The following PNISR variants were observed in gnomAD, a reference collection of about 807,000 sequenced individuals.
PNISR encodes PNN interacting serine and arginine rich protein.
In PNISR, 20 loss-of-function variants were observed where a neutral mutation model predicts 93.4. The observed-to-expected ratio is 0.21, with a 90% CI of 0.15 to 0.31. PNISR has a LOEUF of 0.31. PNISR is among the 10% of genes least tolerant of loss of function. PNISR has a pLI of 1.00. For missense variants in PNISR, 893 were observed against 985.4 expected (o/e 0.91, Z 1.25); for synonymous variants, 305 against 306.5 (o/e 0.99, Z 0.05).
chr6:99,401,021 C>T lies in PNISR; in HGVS notation c.1937G>A (p.Arg646His), dbSNP rs368574013. 32 of 1,613,680 alleles carry T rather than the reference C, an allele frequency of 2.0e-5. No individual in the cohort carries two copies. Among genetic ancestry groups the T allele is most frequent in the Middle Eastern group, 3.3e-4 (2 of 6,084 alleles). Residue 646 changes from arginine (R) to histidine (H), a missense_variant, in exon 12 of 12, where the codon CGT becomes CAT. Physicochemically the swap from Arg to His is conservative, Grantham distance 29. Coordinates refer to ENST00000369239, the MANE Select transcript of PNISR (RefSeq NM_032870.4). ...SRDRRKIDDQRGNLSGNSHKH... is the reference protein window; with the variant it reads ...SRDRRKIDDQHGNLSGNSHKH... The stretch of plus-strand genomic sequence containing the variant: ...ATGACTGTTCCCACTAAGATTTCCA[C>T]GTTGATCATCAATTTTACGCCTATC...
intron 1 of PNISR, among the ~76,000 whole-genome samples, chr6:99,421,383 TTG>T (rs1778531515): frequency 6.6e-6 from 1 of 152,138 alleles, no homozygotes; most frequent in African/African-American, 2.4e-5. Context: ...CTCCTGATAC[TTG>T]TGAGTATCAA....
At chr6:99,403,020 C>T (rs377314985) in intron 10 of PNISR, 5 of 197,342 alleles carry the variant, frequency 2.5e-5, no homozygotes, top group South Asian at 1.9e-4. Flanking sequence ...AACAAAGCCA[C>T]GCTAAAGCTT....
chr6:99,400,590 A>C lies in PNISR; in HGVS notation c.2368T>G (p.Ser790Ala), dbSNP rs1293976306. The C allele has an allele frequency of 6.2e-7, 1 of 1,614,026 alleles. No homozygotes were observed. The change falls in exon 12 of 12, where the codon TCT becomes GCT. Residue 790 changes from serine (S) to alanine (A), a missense_variant. Transcript: ENST00000369239. ...RSRSVEKSQR[S>A]GKKASRKHKS... ...TGTTTGCGGCTTGCCTTCTTACCAG[A>C]CCTTTGAGATTTCTCCACGGATCGC...
intron 5 of PNISR, 85 bp downstream of exon 5, chr6:99,410,656 G>T: frequency 1.1e-6 from 1 of 889,426 alleles, no homozygotes; most frequent in Non-Finnish European, 1.8e-6. Flanking sequence ...AGTGAAACAC[G>T]TATCTTAGGT....
In PNISR at chr6:99,419,152, C is replaced by CAA. The variant is rs1166838873; in HGVS notation, c.-111-2726_-111-2725dup. Among the ~76,000 whole-genome samples, 24 of 19,822 alleles carry CAA rather than the reference C, an allele frequency of 1.2e-3. 7 individuals are homozygous for CAA. Among genetic ancestry groups the CAA allele is most frequent in the African/African-American group, 3.2e-3 (18 of 5,682 alleles). 13.0% of individuals were successfully genotyped at this position (19,822 alleles called of 152,430 possible). ...TGGGTGCCAGAGCGAGACTCCGTCT[C>CAA]AAAAAAAAAAAAAAAAAAAAAAAAA... On this transcript the variant is annotated intron_variant, in intron 1 of 11. Coordinates refer to ENST00000369239, the MANE Select transcript of PNISR (RefSeq NM_032870.4).
At chr6:99,420,206 A>C (rs1258751435) in intron 1 of PNISR, among the ~76,000 whole-genome samples, 11 of 152,324 alleles carry the variant, frequency 7.2e-5, no homozygotes, top group Non-Finnish European at 4.4e-5. Context: ...TAAAAAGAAA[A>C]GGCCTCAAGT....
intron 1 of PNISR, among the ~76,000 whole-genome samples, chr6:99,419,152 CAAAAAAAAAAA>C (rs1166838873): frequency 5.0e-5 from 1 of 19,822 alleles, no homozygotes; most frequent in South Asian, 2.3e-3. Context: ...GACTCCGTCT[CAAAAAAAAAAA>C]AAAAAAAAAA....
At chr6:99,411,903 A>C (rs1263706233) in intron 4 of PNISR, 1 of 179,166 alleles carries the variant, frequency 5.6e-6, no homozygotes, top group African/African-American at 2.4e-5. Context: ...TAGGGAAAGG[A>C]GGTTATGACT....
At chr6:99,413,143 C>T (rs1206691869) in intron 3 of PNISR, among the ~76,000 whole-genome samples, 1 of 152,018 alleles carries the variant, frequency 6.6e-6, no homozygotes, top group Non-Finnish European at 1.5e-5. Flanking sequence ...TTTCTTCCTT[C>T]AACATGTCCT....
chr6:99,401,000 C>T lies in PNISR; in HGVS notation c.1958G>A (p.Ser653Asn). 1.2e-6 allele frequency: 2 copies of T among 1,613,528 alleles called. No individual in the cohort carries two copies. The highest frequency in any genetic ancestry group is 1.7e-6 in the Non-Finnish European group (2 of 1,179,638). ...DDQRGNLSGN[S>N]HKHKGEAKEQ... ...TTTAGCCTCACCTTTATGCTTATGA[C>T]TGTTCCCACTAAGATTTCCACGTTG... is the stretch of plus-strand genomic sequence containing the variant. Residue 653 changes from serine to asparagine, a missense_variant, in exon 12 of 12, where the codon AGT (serine) becomes AAT (asparagine). Around this residue, in one of 3 missense-constraint regions of PNISR, gnomAD observed 866 missense variants for 935.1 expected, o/e 0.93. Coordinates refer to ENST00000369239, the MANE Select transcript of PNISR (RefSeq NM_032870.4).
At chr6:99,401,912 AT>A (rs1204396301) in intron 11 of PNISR, among the ~76,000 whole-genome samples, 6 of 152,210 alleles carry the variant, frequency 3.9e-5, no homozygotes, top group Admixed American at 1.3e-4. Flanking sequence ...CTAGCATGTA[AT>A]TTATACCCAC....
intron 1 of PNISR, among the ~76,000 whole-genome samples, chr6:99,419,279 T>C (rs933765421): frequency 6.7e-6 from 1 of 148,664 alleles, no homozygotes; most frequent in East Asian, 2.0e-4. Context: ...AAACCATGAA[T>C]GTGAATATTC....
At chr6:99,423,487 C>A (rs1236359564) in intron 1 of PNISR, among the ~76,000 whole-genome samples, 1 of 152,260 alleles carries the variant, frequency 6.6e-6, no homozygotes, top group East Asian at 1.9e-4. Context: ...GGGGAAGTAA[C>A]TTTACAGTGG....
chr6:99,416,326 C>CA (rs1169126019), intron 2 of PNISR, 23 bp downstream of exon 2: 1 of 787,552 alleles, frequency 1.3e-6, no homozygotes, highest in African/African-American at 1.8e-5. Flanking sequence ...CAAGAAGACA[C>CA]ACCAACTGCT....
At chr6:99,404,246 A>G (rs973004247) in intron 9 of PNISR, 1 of 369,508 alleles carries the variant, frequency 2.7e-6, no homozygotes, top group Non-Finnish European at 5.0e-6. Flanking sequence ...TAAAAATTGT[A>G]GGTAGATAAT....
At chr6:99,423,972 T>C (rs1248772450) in intron 1 of PNISR, among the ~76,000 whole-genome samples, 1 of 152,186 alleles carries the variant, frequency 6.6e-6, no homozygotes, top group Admixed American at 6.5e-5. Context: ...TATATTGGGC[T>C]AAGGTCCACC....
At chr6:99,406,993 A>T (rs4240576) in intron 7 of PNISR, among the ~76,000 whole-genome samples, 68,272 of 150,078 alleles carry the variant, frequency 0.45, 16,080 homozygotes, top group Middle Eastern at 0.63. Context: ...CTTAAAAAAA[A>T]TTTGGAACAC....
intron 1 of PNISR, among the ~76,000 whole-genome samples, chr6:99,424,159 TACA>T (rs1243437694): frequency 1.3e-5 from 2 of 152,140 alleles, no homozygotes; most frequent in Non-Finnish European, 2.9e-5. Flanking sequence ...CCTAAGAATA[TACA>T]ACAACTAAAT....
At chr6:99,421,982 CA>C (rs1266012780) in intron 1 of PNISR, among the ~76,000 whole-genome samples, 1 of 152,100 alleles carries the variant, frequency 6.6e-6, no homozygotes, top group Non-Finnish European at 1.5e-5. Flanking sequence ...TCTCATGCCT[CA>C]GCCTCCCGAG....
Sources: allele counts gnomAD v4.1 joint callset (sites outside exome capture counted in the v4.1 genomes callset), GRCh38; gene constraint gnomAD v4.1.1; regional missense constraint gnomAD v4.1.1; transcripts MANE v1.5; gene names NCBI Gene and HGNC (gene_info 2026-07-23, HGNC 2026-07-21).